GALNT8: variants seen among roughly 807,000 people sequenced by gnomAD.
The protein encoded by GALNT8 is polypeptide N-acetylgalactosaminyltransferase 8.
GALNT8 carries 66 observed loss-of-function variants against 62.7 expected under a neutral mutation model. That is an observed-to-expected ratio of 1.05 (90% CI 0.86 to 1.29). The LOEUF is 1.29. Among genes scored for constraint, GALNT8 ranks in the 50% most tolerant of loss-of-function variants. The probability of loss-of-function intolerance (pLI) is 0.00; values close to 1 mark genes in which losing one functional copy is unlikely to be tolerated. For missense variants in GALNT8, 771 were observed against 791.8 expected (o/e 0.97, Z 0.32); for synonymous variants, 288 against 294.3 (o/e 0.98, Z 0.22).
chr12:4,748,193 A>G (rs1344570436), intron 6 of GALNT8, among the ~76,000 whole-genome samples: 1 of 152,072 alleles, frequency 6.6e-6, no homozygotes, highest in Non-Finnish European at 1.5e-5. Context: ...TGTTGATTGT[A>G]TCTTTTGCGG....
chr12:4,721,248 C>T (rs1005507013), intron 1 of GALNT8, among the ~76,000 whole-genome samples: 1 of 152,072 alleles, frequency 6.6e-6, no homozygotes, highest in Non-Finnish European at 1.5e-5. Context: ...GTGGGTTGCA[C>T]CTCCACACCT....
Position 4,726,873 on chromosome 12 carries a change from T to G in GALNT8, c.509+44T>G, listed in dbSNP as rs2137518568. 6.6e-7 allele frequency: 1 copy of G among 1,510,724 alleles called. No individual in the cohort carries two copies. The highest frequency in any genetic ancestry group is 1.2e-5 in the South Asian group (1 of 80,500). 93.6% of individuals were successfully genotyped at this position (1,510,724 alleles called of 1,614,324 possible). ...GGGCTTCTAGGGTCCTCAGTTTGAT[T>G]TGAGGATGAGCTTTGGGAGCAGTGA... is the stretch of plus-strand genomic sequence containing the variant. On this transcript the variant is annotated intron_variant, in intron 2 of 10. Coordinates refer to ENST00000252318, the MANE Select transcript of GALNT8 (RefSeq NM_017417.2). The surrounding 1 kb of genome is among the most constrained non-coding windows in gnomAD (Gnocchi z 4.1).
intron 6 of GALNT8, among the ~76,000 whole-genome samples, chr12:4,755,774 A>G (rs971574204): frequency 6.6e-6 from 1 of 152,212 alleles, no homozygotes; most frequent in Non-Finnish European, 1.5e-5. Context: ...AAGATATGTC[A>G]GTGTATTGGT....
intron 2 of GALNT8, 94 bp from the exon 3 acceptor site, chr12:4,739,069 C>A: frequency 1.4e-6 from 1 of 691,716 alleles, no homozygotes; most frequent in Non-Finnish European, 2.2e-6. Flanking sequence ...ATGAATTGGT[C>A]GATATAACAT....
intron 6 of GALNT8, among the ~76,000 whole-genome samples, chr12:4,755,421 C>G (rs1376050391): frequency 6.6e-6 from 1 of 152,200 alleles, no homozygotes; most frequent in Non-Finnish European, 1.5e-5. Context: ...TCTTCCTCCC[C>G]CAACACACAG....
chr12:4,759,701 C>T (rs997775214), intron 6 of GALNT8, among the ~76,000 whole-genome samples: 4 of 151,924 alleles, frequency 2.6e-5, no homozygotes, highest in Admixed American at 6.6e-5. Context: ...TTAACTGAAC[C>T]GCCGTGGCCT....
intron 6 of GALNT8, among the ~76,000 whole-genome samples, chr12:4,759,266 A>G (rs1290922658): frequency 2.6e-5 from 4 of 152,050 alleles, no homozygotes; most frequent in African/African-American, 9.7e-5. Context: ...CCTCCACATG[A>G]TTCTGGGGGC....
intron 1 of GALNT8, among the ~76,000 whole-genome samples, chr12:4,724,449 G>A (rs765164786): frequency 6.6e-6 from 1 of 152,120 alleles, no homozygotes; most frequent in Non-Finnish European, 1.5e-5. Context: ...CTTTAGGATG[G>A]CCAGGTCCAA....
intron 3 of GALNT8, among the ~76,000 whole-genome samples, chr12:4,741,607 A>G (rs138693815): frequency 1.9e-3 from 286 of 152,194 alleles, no homozygotes; most frequent in African/African-American, 6.0e-3. Flanking sequence ...ACTATACTCT[A>G]TGGCCTATAC....
At chr12:4,769,100 C>G (rs1295280990) in intron 10 of GALNT8, among the ~76,000 whole-genome samples, 2 of 152,090 alleles carry the variant, frequency 1.3e-5, no homozygotes, top group Non-Finnish European at 2.9e-5. Context: ...AGATAGTGTG[C>G]CACTGAAATA....
chr12:4,739,355 T>A (rs1946260682), intron 3 of GALNT8, 26 bp downstream of exon 3: 1 of 1,592,958 alleles, frequency 6.3e-7, no homozygotes. Flanking sequence ...AAAGAATAAT[T>A]GTAAAAATGA....
At chr12:4,758,620 G>C (rs961611617) in intron 6 of GALNT8, among the ~76,000 whole-genome samples, 1 of 89,710 alleles carries the variant, frequency 1.1e-5, no homozygotes, top group Admixed American at 1.4e-4. Flanking sequence ...GTGTGTGTGT[G>C]TGTGTGTGTG....
Position 4,772,662 on chromosome 12 carries a change from C to T in GALNT8, c.*65C>T. The T allele has an allele frequency of 2.5e-6, 3 of 1,222,354 alleles. No individual in the cohort carries two copies. The highest frequency in any genetic ancestry group is 3.6e-6 in the Non-Finnish European group (3 of 840,196). The allele number at this position is 1,222,354 out of a possible 1,614,324, so 75.7% of individuals were successfully genotyped here. On this transcript the variant is annotated 3_prime_UTR_variant, in exon 11 of 11. Coordinates refer to ENST00000252318, the MANE Select transcript of GALNT8 (RefSeq NM_017417.2). The stretch of plus-strand genomic sequence containing the variant: ...AGTGGAATGGCTTCTACTCCTAACA[C>T]TCCCAGCTTCTTTCTCAATGAGAAA...
intron 6 of GALNT8, among the ~76,000 whole-genome samples, chr12:4,759,983 G>A (rs1946364207): frequency 6.6e-6 from 1 of 152,210 alleles, no homozygotes; most frequent in Non-Finnish European, 1.5e-5. Flanking sequence ...ATTTGTAATT[G>A]GGTCATAAGG....
intron 6 of GALNT8, among the ~76,000 whole-genome samples, chr12:4,759,731 C>T (rs1318434192): frequency 6.6e-6 from 1 of 152,094 alleles, no homozygotes; most frequent in African/African-American, 2.4e-5. Flanking sequence ...ACTGTTATCT[C>T]AGGTGCTCCC....
At chr12:4,734,888 T>C (rs1045096380) in intron 2 of GALNT8, among the ~76,000 whole-genome samples, 1 of 152,164 alleles carries the variant, frequency 6.6e-6, no homozygotes, top group Admixed American at 6.5e-5. Context: ...TAAAATTCCC[T>C]TGCAGTTTCA....
At chr12:4,771,030 C>G (rs984396029) in intron 10 of GALNT8, among the ~76,000 whole-genome samples, 1 of 152,152 alleles carries the variant, frequency 6.6e-6, no homozygotes, top group Non-Finnish European at 1.5e-5. Context: ...CTTTTGAGAT[C>G]ATCTGTGAGG....
In GALNT8 at chr12:4,763,369, C is replaced by T. The variant is rs1946381595; in HGVS notation, c.1476C>T (p.His492=). The change falls in exon 8 of 11, where the codon CAC becomes CAT. Residue 492 remains histidine, a synonymous_variant. Transcript: ENST00000252318. Reference sequence around the variant, plus strand: ...TTTATCCACTCTTGAAGCCACTCCACACCATCGTGGGCTATGGAAGAGTAT... The same window carrying T: ...TTTATCCACTCTTGAAGCCACTCCATACCATCGTGGGCTATGGAAGAGTAT... ...KNVYPLLKPL[H]TIVGYGRMKN... is the part of the protein sequence containing the mutation. 6.2e-7 allele frequency: 1 copy of T among 1,612,988 alleles called. No individual in the cohort carries two copies.
intron 2 of GALNT8, 146 bp from the exon 3 acceptor site, chr12:4,739,016 TA>T: frequency 2.1e-6 from 1 of 487,474 alleles, no homozygotes; most frequent in Non-Finnish European, 3.6e-6. Context: ...GCTACTGTGA[TA>T]AGCCACTAAG....
Sources: allele counts gnomAD v4.1 joint callset (sites outside exome capture counted in the v4.1 genomes callset), GRCh38; gene constraint gnomAD v4.1.1; non-coding constraint Gnocchi (gnomAD v3.1); transcripts MANE v1.5; gene names NCBI Gene and HGNC (gene_info 2026-07-23, HGNC 2026-07-21).